Variants in NCAM2 observed in about 807,000 individuals in gnomAD.
NCAM2 encodes N-CAM-2.
Under a neutral mutation model 98.1 loss-of-function variants are expected in NCAM2, and 30 were observed. The observed-to-expected ratio is 0.31, with a 90% CI of 0.23 to 0.41. NCAM2 has a LOEUF of 0.41. NCAM2 is among the 10% of genes least tolerant of loss of function. The probability of loss-of-function intolerance (pLI) is 1.00; values close to 1 mark genes in which losing one functional copy is unlikely to be tolerated. For synonymous variants in NCAM2, 368 were observed against 342.4 expected, an observed-to-expected ratio of 1.07 and a Z score of -0.83; for missense variants, 867 against 1,005.8, an observed-to-expected ratio of 0.86 and a Z score of 1.87.
At chr21:21,110,518 C>T (rs2066433570) in intron 1 of NCAM2, among the ~76,000 whole-genome samples, 1 of 151,602 alleles carries the variant, frequency 6.6e-6, no homozygotes, top group Non-Finnish European at 1.5e-5. Flanking sequence ...ATACAATTTC[C>T]TCTGTGTTTA....
chr21:21,260,564 GA>G, intron 1 of NCAM2, among the ~76,000 whole-genome samples: 1 of 149,218 alleles, frequency 6.7e-6, no homozygotes, highest in African/African-American at 2.5e-5. Flanking sequence ...CCTTCTTGAA[GA>G]AAAAAAAAAA....
intron 1 of NCAM2, among the ~76,000 whole-genome samples, chr21:21,153,248 A>G (rs1021902945): frequency 6.6e-6 from 1 of 151,504 alleles, no homozygotes; most frequent in Non-Finnish European, 1.5e-5. Flanking sequence ...CTGGAAGACA[A>G]TTCCATTATC....
At chr21:21,103,050 T>A (rs1237203588) in intron 1 of NCAM2, among the ~76,000 whole-genome samples, 1 of 152,062 alleles carries the variant, frequency 6.6e-6, no homozygotes, top group Non-Finnish European at 1.5e-5. Context: ...AGACCCAGAC[T>A]AAGAGAGCTT....
At chr21:21,457,412 C>A (rs934160262) in intron 12 of NCAM2, among the ~76,000 whole-genome samples, 2 of 152,064 alleles carry the variant, frequency 1.3e-5, no homozygotes, top group African/African-American at 4.8e-5. Flanking sequence ...AAGGCCGAGG[C>A]GGGCAGATCA....
intron 1 of NCAM2, among the ~76,000 whole-genome samples, chr21:21,016,510 A>G (rs998241169): frequency 6.6e-6 from 1 of 152,162 alleles, no homozygotes; most frequent in African/African-American, 2.4e-5. Context: ...TGTCAGTGGC[A>G]AAGTTGGGAT....
rs141951519 is a variant in NCAM2 at position 21,542,473 on chromosome 21, C to T, written c.*4516C>T. ...TTTATACAATTTTTGAGATTCTGGC[C>T]ACACAACATTCAGAATTATTGCTCA... is the stretch of plus-strand genomic sequence containing the variant. On this transcript the variant is annotated 3_prime_UTR_variant, in exon 18 of 18. Coordinates refer to ENST00000400546, the MANE Select transcript of NCAM2 (RefSeq NM_004540.5). 8 of 151,794 alleles carry T rather than the reference C, an allele frequency of 5.3e-5. No individual in the cohort carries two copies. The highest frequency in any genetic ancestry group is 1.9e-4 in the African/African-American group (8 of 41,466). 9.4% of individuals were successfully genotyped at this position (151,794 alleles called of 1,614,324 possible). A position where few individuals can be genotyped will look rare whatever the true frequency, so the allele number is the denominator to read the frequency against.
rs190689744 is a variant in NCAM2, at chr21:21,072,874, G to A, written c.55+74256G>A. Among the ~76,000 whole-genome samples, 91 of 151,854 alleles carry A rather than the reference G, an allele frequency of 6.0e-4. 1 individual carries two copies. The highest frequency in any genetic ancestry group is 2.0e-3 in the African/African-American group (83 of 41,410). On this transcript the variant is annotated intron_variant, in intron 1 of 17. Transcript: ENST00000400546. ...GCATTTTGAAGTGTGTAGTTCAGTG[G>A]CAGTGAGTATATTCACAATGTTGTG...
At chr21:21,377,745 G>A (rs986168880) in intron 9 of NCAM2, among the ~76,000 whole-genome samples, 1 of 151,858 alleles carries the variant, frequency 6.6e-6, no homozygotes, top group Non-Finnish European at 1.5e-5. Context: ...ATTATTGACT[G>A]TAGTGATCCA....
At chr21:21,157,222 T>G (rs1268163854) in intron 1 of NCAM2, among the ~76,000 whole-genome samples, 11 of 152,198 alleles carry the variant, frequency 7.2e-5, no homozygotes, top group Admixed American at 7.2e-4. Flanking sequence ...CCCTGAATTT[T>G]GGCAAGAAGA....
chr21:21,045,559 G>A (rs1474511223), intron 1 of NCAM2, among the ~76,000 whole-genome samples: 2 of 152,078 alleles, frequency 1.3e-5, no homozygotes, highest in Non-Finnish European at 2.9e-5. Flanking sequence ...TGAGGCAGGA[G>A]GGTCACTTGA....
intron 1 of NCAM2, among the ~76,000 whole-genome samples, chr21:21,102,348 G>A (rs182631434): frequency 6.6e-6 from 1 of 151,816 alleles, no homozygotes; most frequent in East Asian, 1.9e-4. Flanking sequence ...AATTTAAAGG[G>A]GTGTGACAAC....
At chr21:21,292,773 C>T (rs1269720515) in intron 5 of NCAM2, among the ~76,000 whole-genome samples, 1 of 151,838 alleles carries the variant, frequency 6.6e-6, no homozygotes, top group Non-Finnish European at 1.5e-5. Context: ...CTGGAAAATA[C>T]ATTACAGTTA....
chr21:21,200,651 C>G (rs9306003), intron 1 of NCAM2, among the ~76,000 whole-genome samples: 6 of 151,694 alleles, frequency 4.0e-5, no homozygotes, highest in Admixed American at 1.3e-4. Context: ...ACTTACCACA[C>G]TGCTATCTTG....
At chr21:21,426,487 G>T (rs974289855) in intron 11 of NCAM2, among the ~76,000 whole-genome samples, 25 of 152,256 alleles carry the variant, frequency 1.6e-4, no homozygotes, top group African/African-American at 5.8e-4. Flanking sequence ...TCACTGGAAA[G>T]GCAGAGAAAA....
chr21:21,180,999 ATTTTC>A (rs1490742726), intron 1 of NCAM2, among the ~76,000 whole-genome samples: 1 of 152,122 alleles, frequency 6.6e-6, no homozygotes, highest in Non-Finnish European at 1.5e-5. Flanking sequence ...TGAGTGGGTC[ATTTTC>A]TTTTCTCATG....
intron 1 of NCAM2, among the ~76,000 whole-genome samples, chr21:21,225,960 T>C (rs1221259735): frequency 6.6e-6 from 1 of 152,102 alleles, no homozygotes; most frequent in East Asian, 1.9e-4. Context: ...ATACACACCA[T>C]AGAATACTAG....
At chr21:21,402,703 C>A (rs73324831) in intron 9 of NCAM2, among the ~76,000 whole-genome samples, 9 of 151,872 alleles carry the variant, frequency 5.9e-5, no homozygotes, top group African/African-American at 2.2e-4. Context: ...ATGGACCTAC[C>A]GATATGAGAT....
intron 1 of NCAM2, among the ~76,000 whole-genome samples, chr21:21,181,467 C>T (rs1002409392): frequency 2.0e-5 from 3 of 152,092 alleles, no homozygotes; most frequent in African/African-American, 7.2e-5. Context: ...TACCCAATTA[C>T]CAAAACCTTG....
chr21:21,395,417 A>G (rs183304851), intron 9 of NCAM2, among the ~76,000 whole-genome samples: 1 of 152,210 alleles, frequency 6.6e-6, no homozygotes, highest in Non-Finnish European at 1.5e-5. Flanking sequence ...GAAATATATC[A>G]AAGGTGGTTA....
Sources: allele counts gnomAD v4.1 joint callset (sites outside exome capture counted in the v4.1 genomes callset), GRCh38; gene constraint gnomAD v4.1.1; transcripts MANE v1.5; gene names NCBI Gene and HGNC (gene_info 2026-07-23, HGNC 2026-07-21).